The following DNAH11 variants were observed in gnomAD, a reference collection of about 807,000 sequenced individuals.
DNAH11 encodes axonemal beta dynein heavy chain 11.
DNAH11 carries 442 observed loss-of-function variants against 526.0 expected under a neutral mutation model. The observed-to-expected ratio is 0.84, with a 90% CI of 0.78 to 0.91. DNAH11 has a LOEUF of 0.91. Ranked by LOEUF, DNAH11 falls within the 40% of genes least tolerant of loss-of-function variation. DNAH11 has a pLI of 0.00. For missense variants in DNAH11, 6,989 were observed against 5,448.7 expected (o/e 1.28, Z -8.90); for synonymous variants, 2,461 against 1,935.9 (o/e 1.27, Z -7.12).
intron 40 of DNAH11, 86 bp downstream of exon 40, chr7:21,707,921 G>A (rs953006619): frequency 9.4e-6 from 13 of 1,380,690 alleles, no homozygotes; most frequent in South Asian, 3.3e-5. Context: ...AGTCATAGTC[G>A]CAGACTTACT....
Position 21,847,747 on chromosome 7 carries a change from A to G in DNAH11, c.10897-4720A>G, listed in dbSNP as rs140761683. The stretch of plus-strand genomic sequence containing the variant: ...GATTTTTTGCCTGCTGGATCTGTCA[A>G]TTATGATATAAGGGTTTTGAATTGT... On this transcript the variant is annotated intron_variant, in intron 66 of 81. Transcript: ENST00000409508. Among the ~76,000 whole-genome samples the G allele has an allele frequency of 2.9e-3, 446 of 152,312 alleles. 1 individual carries two copies. Among genetic ancestry groups the G allele is most frequent in the Non-Finnish European group, 3.8e-3 (260 of 68,024 alleles).
chr7:21,874,971 T>C (rs1272455462), intron 74 of DNAH11, among the ~76,000 whole-genome samples: 1 of 152,198 alleles, frequency 6.6e-6, no homozygotes, highest in African/African-American at 2.4e-5. Context: ...GTTAACATCC[T>C]TAGCTTCTTT....
chr7:21,850,453 ATC>A (rs1782586715), intron 66 of DNAH11, among the ~76,000 whole-genome samples: 1 of 151,350 alleles, frequency 6.6e-6, no homozygotes, highest in African/African-American at 2.4e-5. Flanking sequence ...TTGAGTTTCT[ATC>A]TCTACTTACA....
In DNAH11 at chr7:21,547,565, ATAAT is replaced by A. The variant is rs201843670; in HGVS notation, c.495+2417_495+2420del. Among the ~76,000 whole-genome samples, 536 of 152,290 alleles carry A rather than the reference ATAAT, an allele frequency of 3.5e-3. 12 individuals are homozygous for A. The highest frequency in any genetic ancestry group is 0.026 in the Admixed American group (399 of 15,300). ...AAGTTTGCCTGGACATATGCCCCTTATAATGTTATACCCTGGCCCCCTTCCTCAC... is the reference window on the plus strand; with the variant it reads ...AAGTTTGCCTGGACATATGCCCCTTAGTTATACCCTGGCCCCCTTCCTCAC... On this transcript the variant is annotated intron_variant, in intron 2 of 81. Coordinates refer to ENST00000409508, the MANE Select transcript of DNAH11 (RefSeq NM_001277115.2).
Position 21,892,565 on chromosome 7 carries a change from A to T in DNAH11, c.12648A>T (p.Glu4216Asp). 6.2e-7 allele frequency: 1 copy of T among 1,613,964 alleles called. No individual in the cohort carries two copies. The highest frequency in any genetic ancestry group is 8.5e-7 in the Non-Finnish European group (1 of 1,179,876). ...GCCTCCACCCAAATGCTGAAATAGA[A>T]TTCCTGACAGTGACATCCAACACTC... The part of the protein sequence containing the change: ...LYGLHPNAEI[E>D]FLTVTSNTLF... Residue 4216 changes from glutamate to aspartate, a missense_variant, in exon 77 of 82, where the codon GAA becomes GAT. Glu to Asp is a conservative substitution (Grantham distance 45). Transcript: ENST00000409508.
At chr7:21,601,373 C>G in intron 17 of DNAH11, 23 bp from the exon 18 acceptor site, 2 of 1,588,174 alleles carry the variant, frequency 1.3e-6, no homozygotes, top group Non-Finnish European at 1.7e-6. Flanking sequence ...TTGTGTGTAT[C>G]TATGTACATA....
chr7:21,637,847 C>T (rs1183825892), intron 27 of DNAH11, 145 bp downstream of exon 27: 2 of 489,806 alleles, frequency 4.1e-6, no homozygotes, highest in Non-Finnish European at 7.0e-6. Flanking sequence ...ATCTAGTTGT[C>T]TCGTACATAT....
chr7:21,625,614 CTTG>C (rs571624316), intron 25 of DNAH11, among the ~76,000 whole-genome samples: 292 of 152,046 alleles, frequency 1.9e-3, no homozygotes, highest in African/African-American at 6.6e-3. Context: ...TTGAGATTTT[CTTG>C]TTGTTGTAAA....
At chr7:21,852,720 C>A in intron 67 of DNAH11, 89 bp downstream of exon 67, 1 of 1,369,814 alleles carries the variant, frequency 7.3e-7, no homozygotes, top group Non-Finnish European at 9.7e-7. Context: ...CTTGGTAATT[C>A]CTCTAAGAGG....
intron 8 of DNAH11, among the ~76,000 whole-genome samples, chr7:21,579,786 A>C (rs1784241909): frequency 6.6e-6 from 1 of 152,234 alleles, no homozygotes; most frequent in Admixed American, 6.5e-5. Flanking sequence ...TTCTATTTTA[A>C]AAAAGATTAT....
At chr7:21,858,832 C>G (rs1332293908) in intron 68 of DNAH11, among the ~76,000 whole-genome samples, 1 of 152,072 alleles carries the variant, frequency 6.6e-6, no homozygotes, top group Non-Finnish European at 1.5e-5. Flanking sequence ...TTTGTCAAGA[C>G]TCATCAAACT....
intron 63 of DNAH11, among the ~76,000 whole-genome samples, chr7:21,814,345 ATTTATTTTTTT>A (rs1789673503): frequency 9.9e-6 from 1 of 100,620 alleles, no homozygotes; most frequent in African/African-American, 4.1e-5. Flanking sequence ...TTATTTATTT[ATTTATTTTTTT>A]TTTATTTTTT....
Position 21,601,620 on chromosome 7 carries a change from T to TG in DNAH11, c.3648+2_3648+3insG. 6.4e-7 allele frequency: 1 copy of TG among 1,562,752 alleles called. No individual in the cohort carries two copies. Among genetic ancestry groups the TG allele is most frequent in the Non-Finnish European group, 8.7e-7 (1 of 1,150,492 alleles). Reference sequence around the variant, plus strand: ...GAGCAGGTCTATATTCAGCTAGAGGTAAGTGCAGAGGTGAAATAATCATAA... The same window carrying TG: ...GAGCAGGTCTATATTCAGCTAGAGGTGAAGTGCAGAGGTGAAATAATCATAA... On this transcript the variant is annotated splice_region_variant and intron_variant, in intron 18 of 81. Coordinates refer to ENST00000409508, the MANE Select transcript of DNAH11 (RefSeq NM_001277115.2).
At chr7:21,609,061 AAGG>A (rs1481306300) in intron 20 of DNAH11, among the ~76,000 whole-genome samples, 10 of 152,304 alleles carry the variant, frequency 6.6e-5, no homozygotes, top group African/African-American at 2.4e-4. Flanking sequence ...TTCCACAAAT[AAGG>A]AGAACAGTAC....
chr7:21,764,195 A>G (rs1028344358), intron 54 of DNAH11, among the ~76,000 whole-genome samples: 4 of 151,810 alleles, frequency 2.6e-5, no homozygotes, highest in African/African-American at 7.3e-5. Context: ...TTTTGACACA[A>G]TAAAAGAAAA....
intron 66 of DNAH11, among the ~76,000 whole-genome samples, chr7:21,852,031 A>G (rs1782659373): frequency 6.6e-6 from 1 of 152,088 alleles, no homozygotes; most frequent in Non-Finnish European, 1.5e-5. Flanking sequence ...AAAAATTGTG[A>G]TTGGTATGAT....
Position 21,560,945 on chromosome 7 carries a change from A to G in DNAH11, c.883-126A>G, listed in dbSNP as rs942880340. 5 of 651,494 alleles carry G rather than the reference A, an allele frequency of 7.7e-6. No homozygotes were observed. The African/African-American group carries it at 9.5e-5, about 12-fold the overall frequency. 40.4% of individuals were successfully genotyped at this position (651,494 alleles called of 1,614,324 possible). A position where few individuals can be genotyped will look rare whatever the true frequency, so the allele number is the denominator to read the frequency against. ...TATTTTCAACTGGAAACCAGATATA[A>G]CTTTGAGTGTTAAATACTGTATCAC... is the stretch of plus-strand genomic sequence containing the variant. On this transcript the variant is annotated intron_variant, in intron 4 of 81. Transcript: ENST00000409508.
In DNAH11 at chr7:21,637,786, G is replaced by A. The variant is rs184181692; in HGVS notation, c.4817+84G>A. 8 of 774,390 alleles carry A rather than the reference G, an allele frequency of 1.0e-5. No homozygotes were observed. The East Asian group carries it at 2.1e-4, about 20-fold the overall frequency. 48.0% of individuals were successfully genotyped at this position (774,390 alleles called of 1,614,324 possible). On this transcript the variant is annotated intron_variant, in intron 27 of 81. Coordinates refer to ENST00000409508, the MANE Select transcript of DNAH11 (RefSeq NM_001277115.2). ...CATACCTAATAGTATTTAATACTGT[G>A]TTATGGAGGTGCAACCTCTACTAAA...
chr7:21,806,605 C>A (rs560990623), intron 62 of DNAH11, among the ~76,000 whole-genome samples: 1 of 152,258 alleles, frequency 6.6e-6, no homozygotes, highest in South Asian at 2.1e-4. Context: ...TTTTTGTTTT[C>A]TGTGGTCAAT....
Sources: allele counts gnomAD v4.1 joint callset (sites outside exome capture counted in the v4.1 genomes callset), GRCh38; gene constraint gnomAD v4.1.1; transcripts MANE v1.5; gene names NCBI Gene and HGNC (gene_info 2026-07-23, HGNC 2026-07-21).